Variants in GPM6A observed in about 807,000 individuals in gnomAD.
GPM6A encodes the protein neuronal membrane glycoprotein M6-a.
GPM6A carries 7 observed loss-of-function variants against 32.1 expected under a neutral mutation model. The observed-to-expected ratio is 0.22, with a 90% confidence interval of 0.12 to 0.41. The LOEUF (loss-of-function observed/expected upper bound fraction) is 0.41. Among genes scored for constraint, GPM6A ranks in the 10% least tolerant of loss-of-function variants. The probability of loss-of-function intolerance (pLI) is 1.00; values close to 1 mark genes in which losing one functional copy is unlikely to be tolerated. For synonymous variants in GPM6A, 130 were observed against 123.4 expected (o/e 1.05, Z -0.35); for missense variants, 235 against 347.2 (o/e 0.68, Z 2.57).
At chr4:175,820,898 A>G (rs1735259648) in intron 1 of GPM6A, among the ~76,000 whole-genome samples, 1 of 152,194 alleles carries the variant, frequency 6.6e-6, no homozygotes, top group South Asian at 2.1e-4. Flanking sequence ...ATCTGTTGAT[A>G]AACATTTAAT....
At chr4:175,650,266 ATTATTTTATTTATTTATTTATTTAT>A (rs1276011952) in intron 4 of GPM6A, among the ~76,000 whole-genome samples, 2 of 147,838 alleles carry the variant, frequency 1.4e-5, no homozygotes, top group Non-Finnish European at 3.0e-5. Flanking sequence ...CTTTGATTTC[ATTATTTTATTTATTTATTTATTTAT>A]TTATTTATTT....
At chr4:175,900,919 C>T (rs998380729) in intron 1 of GPM6A, among the ~76,000 whole-genome samples, 1 of 152,134 alleles carries the variant, frequency 6.6e-6, no homozygotes, top group Non-Finnish European at 1.5e-5. Flanking sequence ...GGTACAGATA[C>T]ACAATGGAGT....
chr4:175,822,098 T>C (rs1560951406), intron 1 of GPM6A, among the ~76,000 whole-genome samples: 1 of 152,142 alleles, frequency 6.6e-6, no homozygotes, highest in Admixed American at 6.5e-5. Context: ...CTGAGGTTCA[T>C]TTATTATAAA....
intron 1 of GPM6A, among the ~76,000 whole-genome samples, chr4:175,841,725 AT>A (rs1326730719): frequency 9.8e-5 from 15 of 152,310 alleles, no homozygotes; most frequent in African/African-American, 2.9e-4. Context: ...ATAGGAAAAA[AT>A]GTTAGCCTGT....
At chr4:175,813,933 T>C (rs1735022091), upstream of GPM6A, among the ~76,000 whole-genome samples, 1 of 152,220 alleles carries the variant, frequency 6.6e-6, no homozygotes, top group Non-Finnish European at 1.5e-5. Context: ...TATATATCAA[T>C]GTGTATTCAA....
At chr4:175,905,371 T>C (rs1579614362) in intron 1 of GPM6A, among the ~76,000 whole-genome samples, 1 of 151,940 alleles carries the variant, frequency 6.6e-6, no homozygotes, top group Non-Finnish European at 1.5e-5. Context: ...GGTTCTAAGT[T>C]TTTTTGTGAT....
At chr4:175,876,586 T>A (rs919715351) in intron 1 of GPM6A, among the ~76,000 whole-genome samples, 8 of 152,122 alleles carry the variant, frequency 5.3e-5, no homozygotes, top group African/African-American at 1.9e-4. Flanking sequence ...ATCTGTCCTG[T>A]GGGATGCGCA....
intron 1 of GPM6A, among the ~76,000 whole-genome samples, chr4:175,918,027 AAG>A (rs1056385347): frequency 3.3e-5 from 5 of 152,124 alleles, no homozygotes; most frequent in African/African-American, 4.8e-5. Flanking sequence ...ATCAAGATAA[AAG>A]AGTAAATTAC....
chr4:175,925,528 C>A (rs1448116927), intron 1 of GPM6A, among the ~76,000 whole-genome samples: 1 of 152,140 alleles, frequency 6.6e-6, no homozygotes, highest in African/African-American at 2.4e-5. Context: ...GCTCATTCTG[C>A]TGAAACTGAA....
At chr4:175,705,456 T>G (rs1336334584) in intron 1 of GPM6A, among the ~76,000 whole-genome samples, 1 of 152,226 alleles carries the variant, frequency 6.6e-6, no homozygotes, top group African/African-American at 2.4e-5. Flanking sequence ...AGATCCTAAC[T>G]ATCCCCACTC....
intron 6 of GPM6A, among the ~76,000 whole-genome samples, chr4:175,638,756 G>A (rs1458270279): frequency 1.3e-5 from 2 of 152,036 alleles, no homozygotes; most frequent in African/African-American, 4.8e-5. Context: ...TATATTGCTT[G>A]TACATACCCG....
chr4:175,844,062 C>T (rs1322356281), intron 1 of GPM6A, among the ~76,000 whole-genome samples: 1 of 152,170 alleles, frequency 6.6e-6, no homozygotes, highest in African/African-American at 2.4e-5. Flanking sequence ...AATTTCTCAT[C>T]CACTGACCAC....
intron 1 of GPM6A, among the ~76,000 whole-genome samples, chr4:175,955,183 A>T (rs911658803): frequency 2.0e-5 from 3 of 152,222 alleles, no homozygotes; most frequent in African/African-American, 7.2e-5. Flanking sequence ...AGTGCTGGAG[A>T]TGAGAAGCAA....
chr4:175,651,881 G>T lies in GPM6A; in HGVS notation c.494C>A (p.Thr165Asn). 1.9e-6 allele frequency: 3 copies of T among 1,613,566 alleles called. No homozygotes were observed. The highest frequency in any genetic ancestry group is 2.5e-6 in the Non-Finnish European group (3 of 1,179,656). ...GAGATTTGCTCCCTCCACTAATGTG[G>T]TGTTCCGGCAGATGGTCCACAGATT... is the stretch of plus-strand genomic sequence containing the variant. ...YFNLWTICRNTTLVEGANLCL... is the reference protein window; with the variant it reads ...YFNLWTICRNNTLVEGANLCL... The change falls in exon 4 of 7, where the codon ACC (threonine) becomes AAC (asparagine). Residue 165 changes from threonine (T) to asparagine (N), a missense_variant. This residue lies in a region of GPM6A where 107 missense variants were observed against 116.7 expected (regional missense o/e 0.92). Transcript: ENST00000393658.
At chr4:175,762,370 T>A (rs879364872) in intron 1 of GPM6A, among the ~76,000 whole-genome samples, 2 of 152,208 alleles carry the variant, frequency 1.3e-5, no homozygotes, top group Admixed American at 1.3e-4. Flanking sequence ...TTCACTCATT[T>A]ATTTATTCTT....
chr4:175,711,919 T>G (rs1449045084), intron 1 of GPM6A, among the ~76,000 whole-genome samples: 1 of 152,040 alleles, frequency 6.6e-6, no homozygotes, highest in East Asian at 1.9e-4. Context: ...CAAGAACAGT[T>G]TTTTCCTACA....
chr4:175,886,537 A>G (rs1737462666), intron 1 of GPM6A, among the ~76,000 whole-genome samples: 1 of 152,176 alleles, frequency 6.6e-6, no homozygotes, highest in Non-Finnish European at 1.5e-5. Context: ...AGGTCCTTCT[A>G]CGGTCCAGAA....
At chr4:175,959,306 T>G (rs1740091130) in intron 1 of GPM6A, among the ~76,000 whole-genome samples, 2 of 152,174 alleles carry the variant, frequency 1.3e-5, no homozygotes, top group Admixed American at 6.5e-5. Context: ...ATACACATTA[T>G]GAGAGCTCAG....
intron 1 of GPM6A, among the ~76,000 whole-genome samples, chr4:175,880,739 T>C (rs1737246779): frequency 6.6e-6 from 1 of 152,230 alleles, no homozygotes; most frequent in African/African-American, 2.4e-5. Flanking sequence ...ATTGATTTTG[T>C]ATCCTGAGAC....
Sources: allele counts gnomAD v4.1 joint callset (sites outside exome capture counted in the v4.1 genomes callset), GRCh38; gene constraint gnomAD v4.1.1; regional missense constraint gnomAD v4.1.1; transcripts MANE v1.5; gene names NCBI Gene and HGNC (gene_info 2026-07-23, HGNC 2026-07-21).